Variants in CCDC7 observed in about 807,000 individuals in gnomAD.
CCDC7 encodes coiled-coil domain containing 7.
A neutral mutation model predicts 196.9 loss-of-function variants in CCDC7; 183 were observed. That is an observed-to-expected ratio of 0.93 (90% CI 0.82 to 1.05). The LOEUF is 1.05. Ranked by LOEUF, CCDC7 falls within the 50% of genes least tolerant of loss-of-function variation. CCDC7 has a pLI of 0.00. For synonymous variants in CCDC7, 525 were observed against 484.6 expected, an observed-to-expected ratio of 1.08 and a Z score of -1.10; for missense variants, 1,540 against 1,482.2, an observed-to-expected ratio of 1.04 and a Z score of -0.64.
At chr10:32,456,208 G>T in intron 2 of CCDC7, 43 bp from the exon 4 acceptor site, 2 of 1,454,560 alleles carry the variant, frequency 1.4e-6, no homozygotes, top group Middle Eastern at 2.1e-4. Context: ...CATGCATATG[G>T]ATTCTTAAAT....
intron 37 of CCDC7, among the ~76,000 whole-genome samples, 157 bp downstream of exon 38, chr10:32,846,616 A>G (rs542078790): frequency 2.0e-5 from 3 of 152,292 alleles, no homozygotes; most frequent in African/African-American, 7.2e-5. Flanking sequence ...AGCATTTACT[A>G]TCAGTGGAAC....
At chr10:32,747,158 C>T (rs2074907459) in intron 28 of CCDC7, among the ~76,000 whole-genome samples, 1 of 152,114 alleles carries the variant, frequency 6.6e-6, no homozygotes, top group South Asian at 2.1e-4. Flanking sequence ...AGGCCTGGCC[C>T]CATAGGAAGA....
chr10:32,698,187 C>A (rs564454310), intron 24 of CCDC7, among the ~76,000 whole-genome samples: 1 of 152,126 alleles, frequency 6.6e-6, no homozygotes, highest in African/African-American at 2.4e-5. Context: ...CAACAAAACC[C>A]ATTTGTAGGT....
intron 8 of CCDC7, among the ~76,000 whole-genome samples, chr10:32,488,460 C>T (rs962340041): frequency 6.6e-5 from 10 of 152,190 alleles, no homozygotes; most frequent in South Asian, 2.1e-4. Flanking sequence ...TGCTGTGCTT[C>T]GGCTGATGCT....
intron 28 of CCDC7, among the ~76,000 whole-genome samples, chr10:32,748,948 C>T (rs1286743515): frequency 2.6e-5 from 4 of 152,178 alleles, no homozygotes; most frequent in African/African-American, 9.7e-5. Context: ...GAACCTGGTA[C>T]AGCTCCTGGA....
intron 18 of CCDC7, among the ~76,000 whole-genome samples, chr10:32,631,229 C>A (rs796880497): frequency 1.3e-5 from 2 of 152,098 alleles, no homozygotes; most frequent in African/African-American, 4.8e-5. Context: ...AAACCATTGC[C>A]TAAAGCAAAA....
chr10:32,565,538 T>G lies in CCDC7; in HGVS notation c.1135-20T>G, dbSNP rs2056638973. The G allele has an allele frequency of 6.2e-7, 1 of 1,604,202 alleles. No homozygotes were observed. Among genetic ancestry groups the G allele is most frequent in the Non-Finnish European group, 8.5e-7 (1 of 1,176,062 alleles). On this transcript the variant is annotated intron_variant, in intron 13 of 41. Coordinates refer to ENST00000639629, the Ensembl canonical transcript of CCDC7. ...AAAATACCAAAGTAAATACCTTTTT[T>G]CCCCCTTCTTACTTCCTAGAAAGTA... is the stretch of plus-strand genomic sequence containing the variant.
intron 9 of CCDC7, 74 bp downstream of exon 10, chr10:32,492,071 T>A (rs2042239189): frequency 7.3e-7 from 1 of 1,374,648 alleles, no homozygotes. Context: ...TATTTTTCCA[T>A]ATGTAATATG....
intron 31 of CCDC7, among the ~76,000 whole-genome samples, chr10:32,818,706 G>A (rs2089434375): frequency 6.6e-6 from 1 of 151,838 alleles, no homozygotes; most frequent in South Asian, 2.1e-4. Context: ...ACCTGCTCCT[G>A]AATGACTACT....
At chr10:32,492,084 C>T (rs2042241605) in intron 9 of CCDC7, 87 bp downstream of exon 10, 31 of 1,309,398 alleles carry the variant, frequency 2.4e-5, no homozygotes, top group Non-Finnish European at 3.1e-5. Flanking sequence ...GTAATATGTT[C>T]ATTGAAAAAA....
intron 30 of CCDC7, among the ~76,000 whole-genome samples, chr10:32,805,960 T>A (rs1027282592): frequency 6.6e-6 from 1 of 152,106 alleles, no homozygotes; most frequent in East Asian, 1.9e-4. Context: ...AACAGGCACA[T>A]TACATGACAA....
chr10:32,454,863 C>T (rs2033961193), intron 2 of CCDC7, among the ~76,000 whole-genome samples: 1 of 152,116 alleles, frequency 6.6e-6, no homozygotes, highest in South Asian at 2.1e-4. Flanking sequence ...ATTCTGTCTC[C>T]AAAAATCCTT....
chr10:32,472,655 C>T, intron 7 of CCDC7, 113 bp downstream of exon 8: 3 of 967,264 alleles, frequency 3.1e-6, no homozygotes, highest in Non-Finnish European at 2.8e-6. Context: ...AGTGTAGTGG[C>T]ATGAATATCG....
chr10:32,762,874 A>T (rs1321563511), intron 28 of CCDC7, among the ~76,000 whole-genome samples: 1 of 151,914 alleles, frequency 6.6e-6, no homozygotes, highest in Non-Finnish European at 1.5e-5. Flanking sequence ...AAATGGATTG[A>T]AGACCTAAAC....
intron 18 of CCDC7, among the ~76,000 whole-genome samples, chr10:32,633,151 GTACACACAGGGCTCCTCAGTTTGCACA>G (rs1291123012): frequency 1.3e-5 from 2 of 151,890 alleles, no homozygotes; most frequent in South Asian, 2.1e-4. Context: ...CAATTTGCAC[GTACACACAGGGCTCCTCAGTTTGCACA>G]TACACACAGG....
intron 20 of CCDC7, among the ~76,000 whole-genome samples, chr10:32,644,049 C>G (rs971258145): frequency 6.6e-6 from 1 of 151,860 alleles, no homozygotes; most frequent in African/African-American, 2.4e-5. Context: ...GCCTCTCTTC[C>G]TTTTTATTTA....
At chr10:32,705,591 A>T (rs374515537) in intron 24 of CCDC7, among the ~76,000 whole-genome samples, 2 of 152,162 alleles carry the variant, frequency 1.3e-5, no homozygotes, top group Non-Finnish European at 2.9e-5. Context: ...GTGCAGAGGC[A>T]CACATAGGCT....
intron 18 of CCDC7, among the ~76,000 whole-genome samples, chr10:32,626,779 A>G (rs1480846823): frequency 6.6e-6 from 1 of 151,990 alleles, no homozygotes; most frequent in African/African-American, 2.4e-5. Flanking sequence ...GTGAGTATCC[A>G]ATTTTCCTAA....
At chr10:32,722,385 A>G (rs1302130975) in intron 25 of CCDC7, among the ~76,000 whole-genome samples, 4 of 152,162 alleles carry the variant, frequency 2.6e-5, no homozygotes, top group Non-Finnish European at 5.9e-5. Context: ...TGGTAGGGCT[A>G]CCATTACAAA....
Sources: allele counts gnomAD v4.1 joint callset (sites outside exome capture counted in the v4.1 genomes callset), GRCh38; gene constraint gnomAD v4.1.1; transcripts MANE v1.5; gene names NCBI Gene and HGNC (gene_info 2026-07-23, HGNC 2026-07-21).